The following CA8 variants were observed in gnomAD, a reference collection of about 807,000 sequenced individuals.
The protein encoded by CA8 is carbonic anhydrase-related protein.
A neutral mutation model predicts 41.4 loss-of-function variants in CA8; 22 were observed. The ratio of observed to expected loss-of-function variants is 0.53; its 90% CI spans 0.38 to 0.76. The LOEUF (loss-of-function observed/expected upper bound fraction) is 0.76, where lower values mean the gene tolerates loss of function less well. Ranked by LOEUF, CA8 falls within the 30% of genes least tolerant of loss-of-function variation. The pLI, the probability that CA8 is intolerant of heterozygous loss-of-function variation, is 0.00. For synonymous variants in CA8, 121 were observed against 130.6 expected (o/e 0.93, Z 0.50); for missense variants, 270 against 352.8 (o/e 0.77, Z 1.88).
rs2242156 is a variant in CA8, at chr8:60,188,603, C to T, written c.*1418G>A. 0.29 allele frequency: 43,448 copies of T among 152,118 alleles called. 6,439 individuals are homozygous for T. Among genetic ancestry groups the T allele is most frequent in the Middle Eastern group, 0.4 (119 of 294 alleles). 9.4% of individuals were successfully genotyped at this position (152,118 alleles called of 1,614,324 possible). On this transcript the variant is annotated 3_prime_UTR_variant, in exon 9 of 9. Coordinates refer to ENST00000317995, the MANE Select transcript of CA8 (RefSeq NM_004056.6). The stretch of plus-strand genomic sequence containing the variant: ...GTTGGACACTAGGAACTGTTATACA[C>T]AAGGGAAGTCCAGGACCTCTCTCCG...
At chr8:60,280,959 G>T in intron 1 of CA8, 89 bp downstream of exon 1, 1 of 918,490 alleles carries the variant, frequency 1.1e-6, no homozygotes, top group Non-Finnish European at 1.8e-6. Flanking sequence ...TGCTCGGAGC[G>T]CGCAGCGGCA....
At chr8:60,195,535 T>A (rs61125950) in intron 8 of CA8, among the ~76,000 whole-genome samples, 2,722 of 152,112 alleles carry the variant, frequency 0.018, 76 homozygotes, top group African/African-American at 0.06. Context: ...CAAAATAGAG[T>A]CTTTTAAGAA....
chr8:60,229,737 T>TGG (rs1371270183), intron 4 of CA8, among the ~76,000 whole-genome samples: 1 of 152,120 alleles, frequency 6.6e-6, no homozygotes, highest in Non-Finnish European at 1.5e-5. Context: ...CTCTTTCCTC[T>TGG]CTCCCCTTCA....
At chr8:60,195,591 C>G (rs1247540596) in intron 8 of CA8, among the ~76,000 whole-genome samples, 2 of 152,178 alleles carry the variant, frequency 1.3e-5, no homozygotes, top group Non-Finnish European at 2.9e-5. Context: ...AGAGGGGGCT[C>G]TTTGTCCTGT....
chr8:60,272,095 G>C (rs1804091515), intron 2 of CA8, among the ~76,000 whole-genome samples: 1 of 152,146 alleles, frequency 6.6e-6, no homozygotes, highest in South Asian at 2.1e-4. Context: ...CCAGAGCAGA[G>C]GTAGAATAGT....
In CA8 at chr8:60,189,075, C is replaced by A. The variant is rs887406060; in HGVS notation, c.*946G>T. 1.3e-5 allele frequency: 2 copies of A among 152,102 alleles called. No homozygotes were observed. The highest frequency in any genetic ancestry group is 2.9e-5 in the Non-Finnish European group (2 of 68,024). 9.4% of individuals were successfully genotyped at this position (152,102 alleles called of 1,614,324 possible). On this transcript the variant is annotated 3_prime_UTR_variant, in exon 9 of 9. Transcript: ENST00000317995. Reference sequence around the variant, plus strand: ...TCACATCTAACGGCAACTAAGTATACGCTTACATCTGCTAGTGGCACCTAA... The same window carrying A: ...TCACATCTAACGGCAACTAAGTATAAGCTTACATCTGCTAGTGGCACCTAA...
chr8:60,242,111 A>G (rs1478627041), intron 3 of CA8, among the ~76,000 whole-genome samples: 1 of 152,350 alleles, frequency 6.6e-6, no homozygotes, highest in African/African-American at 2.4e-5. Flanking sequence ...CCAGGATGTA[A>G]ATAAACAAAA....
chr8:60,256,442 T>C (rs561596850), intron 3 of CA8, among the ~76,000 whole-genome samples: 5 of 152,162 alleles, frequency 3.3e-5, no homozygotes, highest in Non-Finnish European at 7.4e-5. Context: ...TCACGGTATG[T>C]TGTTCTAGGC....
intron 7 of CA8, among the ~76,000 whole-genome samples, chr8:60,216,561 C>T (rs72663302): frequency 0.079 from 12,034 of 152,216 alleles, 589 homozygotes; most frequent in Non-Finnish European, 0.11. Flanking sequence ...TCCCAATCAT[C>T]AGGGAGCATG....
At chr8:60,193,720 A>G (rs1806200319) in intron 8 of CA8, among the ~76,000 whole-genome samples, 2 of 152,042 alleles carry the variant, frequency 1.3e-5, no homozygotes, top group African/African-American at 4.8e-5. Flanking sequence ...GCCATTCTGG[A>G]ATTTCTCCCT....
chr8:60,244,516 A>G (rs1187427152), intron 3 of CA8, among the ~76,000 whole-genome samples: 2 of 152,210 alleles, frequency 1.3e-5, no homozygotes, highest in Non-Finnish European at 2.9e-5. Context: ...AATTAGAGTA[A>G]TAAGCTCTTT....
intron 3 of CA8, among the ~76,000 whole-genome samples, chr8:60,247,563 T>C (rs1344630308): frequency 6.6e-6 from 1 of 152,252 alleles, no homozygotes; most frequent in Non-Finnish European, 1.5e-5. Flanking sequence ...GCTTCATCCA[T>C]GTCCCTGCAG....
chr8:60,242,906 T>A (rs990060479), intron 3 of CA8, among the ~76,000 whole-genome samples: 1 of 152,236 alleles, frequency 6.6e-6, no homozygotes, highest in African/African-American at 2.4e-5. Flanking sequence ...AGTAGGGCTA[T>A]CTTCTCATTA....
intron 8 of CA8, among the ~76,000 whole-genome samples, chr8:60,204,153 A>G (rs1806510302): frequency 6.6e-6 from 1 of 152,212 alleles, no homozygotes; most frequent in Non-Finnish European, 1.5e-5. Flanking sequence ...TAGCTAATTC[A>G]AAGCCTTTTG....
At chr8:60,197,339 A>G (rs962681580) in intron 8 of CA8, among the ~76,000 whole-genome samples, 3 of 152,174 alleles carry the variant, frequency 2.0e-5, no homozygotes, top group South Asian at 2.1e-4. Context: ...TACATTACAT[A>G]TATATGTAAC....
chr8:60,267,287 T>C (rs934859569), intron 2 of CA8, among the ~76,000 whole-genome samples: 1 of 152,160 alleles, frequency 6.6e-6, no homozygotes, highest in African/African-American at 2.4e-5. Context: ...ATGAGGCTAT[T>C]AGACACAATG....
rs201934976 is a variant in CA8, at chr8:60,215,358, T to C, written c.739-6439A>G. Among the ~76,000 whole-genome samples, 14 of 144,184 alleles carry C rather than the reference T, an allele frequency of 9.7e-5. 1 individual carries two copies. Among genetic ancestry groups the C allele is most frequent in the Admixed American group, 4.1e-4 (6 of 14,530 alleles). 94.6% of individuals were successfully genotyped at this position (144,184 alleles called of 152,430 possible). On this transcript the variant is annotated intron_variant, in intron 7 of 8. Transcript: ENST00000317995. Reference sequence around the variant, plus strand: ...AAACACTGTCGTGTGTGTGTGTGTATACACACACACACACACACACACACA... The same window carrying C: ...AAACACTGTCGTGTGTGTGTGTGTACACACACACACACACACACACACACA...
intron 8 of CA8, among the ~76,000 whole-genome samples, chr8:60,194,113 GTTTT>G (rs997313400): frequency 6.7e-6 from 1 of 148,824 alleles, no homozygotes; most frequent in African/African-American, 2.6e-5. Context: ...ATAGCACCCT[GTTTT>G]TTTTGTGAAT....
chr8:60,221,281 C>G (rs1433380369), intron 7 of CA8, among the ~76,000 whole-genome samples: 1 of 152,194 alleles, frequency 6.6e-6, no homozygotes, highest in Non-Finnish European at 1.5e-5. Context: ...GAGCACCTTA[C>G]TTATTATCAT....
Sources: allele counts gnomAD v4.1 joint callset (sites outside exome capture counted in the v4.1 genomes callset), GRCh38; gene constraint gnomAD v4.1.1; transcripts MANE v1.5; gene names NCBI Gene and HGNC (gene_info 2026-07-23, HGNC 2026-07-21).